Variants in CSGALNACT1 observed in about 807,000 individuals in gnomAD.
CSGALNACT1 encodes beta4GalNAcT-1.
A neutral mutation model predicts 51.0 loss-of-function variants in CSGALNACT1; 52 were observed. That is an observed-to-expected ratio of 1.02 (90% CI 0.82 to 1.29). The LOEUF is 1.29. Among genes scored for constraint, CSGALNACT1 ranks in the 50% most tolerant of loss-of-function variants. The probability of loss-of-function intolerance (pLI) is 0.00; values close to 1 mark genes in which losing one functional copy is unlikely to be tolerated. For missense variants in CSGALNACT1, 935 were observed against 679.2 expected, an observed-to-expected ratio of 1.38 and a Z score of -4.19; for synonymous variants, 341 against 254.4, an observed-to-expected ratio of 1.34 and a Z score of -3.24.
chr8:19,632,082 T>C (rs530854793), intron 1 of CSGALNACT1, among the ~76,000 whole-genome samples: 1 of 152,394 alleles, frequency 6.6e-6, no homozygotes, highest in South Asian at 2.1e-4. Flanking sequence ...GTTTACATAA[T>C]ACTTTTGATG....
intron 3 of CSGALNACT1, among the ~76,000 whole-genome samples, chr8:19,578,237 C>G (rs762286273): frequency 6.6e-6 from 1 of 152,178 alleles, no homozygotes; most frequent in Non-Finnish European, 1.5e-5. Context: ...ATCACCATTT[C>G]TAGCATTATC....
intron 8 of CSGALNACT1, among the ~76,000 whole-genome samples, chr8:19,415,881 G>A (rs989200129): frequency 1.3e-5 from 2 of 152,186 alleles, no homozygotes; most frequent in Non-Finnish European, 2.9e-5. Flanking sequence ...AGGGTGATAC[G>A]TGCTGCTTAA....
chr8:19,706,916 T>A (rs1328276653), intron 1 of CSGALNACT1, among the ~76,000 whole-genome samples: 1 of 152,162 alleles, frequency 6.6e-6, no homozygotes, highest in African/African-American at 2.4e-5. Context: ...TGTGAGCAAC[T>A]ACACCTCTTT....
intron 4 of CSGALNACT1, among the ~76,000 whole-genome samples, chr8:19,459,494 T>C (rs537494336): frequency 6.6e-6 from 1 of 151,804 alleles, no homozygotes; most frequent in Non-Finnish European, 1.5e-5. Flanking sequence ...GTCACATGGG[T>C]TGGGGGACCC....
intron 1 of CSGALNACT1, among the ~76,000 whole-genome samples, chr8:19,632,931 CTTT>C (rs747351529): frequency 1.0e-4 from 14 of 138,264 alleles, no homozygotes; most frequent in Middle Eastern, 3.3e-3. Flanking sequence ...ATTTTTTTTT[CTTT>C]TTTTTTTTTT....
chr8:19,676,100 A>C (rs547578660), intron 1 of CSGALNACT1, among the ~76,000 whole-genome samples: 1,776 of 126,482 alleles, frequency 0.014, 98 homozygotes, highest in African/African-American at 0.038. Flanking sequence ...ACAAAACAAA[A>C]CAAAAAAAAC....
intron 8 of CSGALNACT1, 67 bp downstream of exon 7, chr8:19,418,589 A>G: frequency 9.6e-7 from 1 of 1,036,470 alleles, no homozygotes; most frequent in Non-Finnish European, 1.5e-6. Context: ...GCTCATGGTC[A>G]GGTACCCCTG....
intron 1 of CSGALNACT1, among the ~76,000 whole-genome samples, chr8:19,702,757 AG>A (rs1370969502): frequency 6.6e-6 from 1 of 152,080 alleles, no homozygotes; most frequent in Non-Finnish European, 1.5e-5. Flanking sequence ...CTCGTCCTCA[AG>A]ACTCAAGTCA....
chr8:19,712,859 A>T (rs1269363768), intron 1 of CSGALNACT1, among the ~76,000 whole-genome samples: 1 of 152,200 alleles, frequency 6.6e-6, no homozygotes, highest in Non-Finnish European at 1.5e-5. Flanking sequence ...GGCAAGAAAC[A>T]TCCAAGTGCA....
intron 1 of CSGALNACT1, among the ~76,000 whole-genome samples, chr8:19,608,869 C>T (rs984821144): frequency 6.6e-6 from 1 of 152,148 alleles, no homozygotes; most frequent in Non-Finnish European, 1.5e-5. Context: ...CTTCTTCCTT[C>T]CCAGATGCAG....
intron 3 of CSGALNACT1, among the ~76,000 whole-genome samples, chr8:19,523,556 C>T (rs1005651982): frequency 1.3e-5 from 2 of 152,070 alleles, no homozygotes; most frequent in African/African-American, 4.8e-5. Context: ...AGGCAGGAGC[C>T]ACCACGCCCA....
At chr8:19,569,987 A>G (rs1229870446) in intron 3 of CSGALNACT1, among the ~76,000 whole-genome samples, 1 of 152,160 alleles carries the variant, frequency 6.6e-6, no homozygotes, top group Non-Finnish European at 1.5e-5. Context: ...GAAGTTCAAG[A>G]GCAGGCAAAA....
chr8:19,666,983 GAAAGAAAGAAAGA>G (rs1564385365), intron 1 of CSGALNACT1, among the ~76,000 whole-genome samples: 27 of 18,900 alleles, frequency 1.4e-3, no homozygotes, highest in South Asian at 2.1e-3. Context: ...AAGAAAGAAA[GAAAGAAAGAAAGA>G]AAGAAAGAAA....
intron 3 of CSGALNACT1, among the ~76,000 whole-genome samples, chr8:19,557,191 T>C (rs566098304): frequency 6.6e-6 from 1 of 152,170 alleles, no homozygotes; most frequent in Admixed American, 6.5e-5. Flanking sequence ...ACCACTGAGC[T>C]GTCACAACCT....
At chr8:19,584,987 C>T (rs371113556) in intron 3 of CSGALNACT1, among the ~76,000 whole-genome samples, 8 of 152,186 alleles carry the variant, frequency 5.3e-5, no homozygotes, top group African/African-American at 1.9e-4. Flanking sequence ...CTAGTCCTAT[C>T]ACTGTCTAGC....
At chr8:19,566,272 G>A (rs1380512357) in intron 3 of CSGALNACT1, among the ~76,000 whole-genome samples, 1 of 152,312 alleles carries the variant, frequency 6.6e-6, no homozygotes, top group Admixed American at 6.5e-5. Flanking sequence ...ACCATGATCA[G>A]AGACTGGAAT....
chr8:19,715,003 G>T (rs1011589514), intron 1 of CSGALNACT1, among the ~76,000 whole-genome samples: 1 of 152,086 alleles, frequency 6.6e-6, no homozygotes, highest in African/African-American at 2.4e-5. Context: ...TTTTTATGCT[G>T]CTGATAAAGA....
intron 1 of CSGALNACT1, among the ~76,000 whole-genome samples, chr8:19,629,196 G>GA (rs1259082615): frequency 6.6e-6 from 1 of 151,862 alleles, no homozygotes; most frequent in Non-Finnish European, 1.5e-5. Context: ...GACTTAAATC[G>GA]AAAAAAACCG....
intron 1 of CSGALNACT1, among the ~76,000 whole-genome samples, chr8:19,616,457 C>T (rs1467944685): frequency 1.3e-5 from 2 of 152,118 alleles, no homozygotes; most frequent in Non-Finnish European, 2.9e-5. Context: ...TCCAAAACCC[C>T]ATGATTTTTA....
Sources: allele counts gnomAD v4.1 joint callset (sites outside exome capture counted in the v4.1 genomes callset), GRCh38; gene constraint gnomAD v4.1.1; transcripts MANE v1.5; gene names NCBI Gene and HGNC (gene_info 2026-07-23, HGNC 2026-07-21).